SMOC1: variants seen among roughly 807,000 people sequenced by gnomAD.
The protein encoded by SMOC1 is SPARC related modular calcium binding 1, also known as SPARC-related modular calcium-binding protein 1.
In SMOC1, 22 loss-of-function variants were observed where a neutral mutation model predicts 56.3. The observed-to-expected ratio is 0.39, with a 90% CI of 0.28 to 0.56. The LOEUF (loss-of-function observed/expected upper bound fraction) is 0.56, where lower values mean the gene tolerates loss of function less well. SMOC1 is among the 20% of genes least tolerant of loss of function. The probability of loss-of-function intolerance (pLI) is 0.61; values close to 1 mark genes in which losing one functional copy is unlikely to be tolerated. For missense variants in SMOC1, 509 were observed against 565.4 expected (o/e 0.90, Z 1.01); for synonymous variants, 193 against 215.0 (o/e 0.90, Z 0.89).
chr14:69,917,639 C>T (rs1379497018), intron 1 of SMOC1, among the ~76,000 whole-genome samples: 1 of 152,220 alleles, frequency 6.6e-6, no homozygotes, highest in Non-Finnish European at 1.5e-5. Flanking sequence ...GATGGTAACA[C>T]ATCGGTTGTT....
chr14:69,948,435 C>G (rs2139430672), intron 1 of SMOC1, among the ~76,000 whole-genome samples: 1 of 152,252 alleles, frequency 6.6e-6, no homozygotes, highest in African/African-American at 2.4e-5. Context: ...TGGGTGGGGC[C>G]TCTGAAGTTC....
chr14:69,949,412 C>A (rs569780742), intron 1 of SMOC1, among the ~76,000 whole-genome samples: 1 of 152,180 alleles, frequency 6.6e-6, no homozygotes, highest in East Asian at 1.9e-4. Flanking sequence ...GCTAGATGCT[C>A]GGGGGAGGTG....
intron 1 of SMOC1, among the ~76,000 whole-genome samples, chr14:69,905,069 G>A (rs998776904): frequency 8.5e-5 from 13 of 152,296 alleles, no homozygotes; most frequent in Middle Eastern, 3.4e-3. Flanking sequence ...CTCATATCGT[G>A]ATGGTGGTCA....
In SMOC1 at chr14:70,030,627, C is replaced by G; in HGVS notation, c.*369C>G. ...AAATATATATGTAAATTGTATAGTTCTTTTGTACAGGCATTGGCATTGCTG... is the reference window on the plus strand; with the variant it reads ...AAATATATATGTAAATTGTATAGTTGTTTTGTACAGGCATTGGCATTGCTG... On this transcript the variant is annotated 3_prime_UTR_variant, in exon 12 of 12. Coordinates refer to ENST00000361956, the MANE Select transcript of SMOC1 (RefSeq NM_001034852.3). 1 of 232,720 alleles carries G rather than the reference C, an allele frequency of 4.3e-6. No individual in the cohort carries two copies. Among genetic ancestry groups the G allele is most frequent in the South Asian group, 1.2e-4 (1 of 8,304 alleles). 14.4% of individuals were successfully genotyped at this position (232,720 alleles called of 1,614,324 possible).
intron 10 of SMOC1, among the ~76,000 whole-genome samples, chr14:70,020,333 G>A (rs1463582841): frequency 6.6e-6 from 1 of 152,166 alleles, no homozygotes; most frequent in Non-Finnish European, 1.5e-5. Context: ...TGCTATTAAT[G>A]TACTTGGAGT....
At chr14:69,947,565 T>C (rs998557066) in intron 1 of SMOC1, among the ~76,000 whole-genome samples, 3 of 152,174 alleles carry the variant, frequency 2.0e-5, no homozygotes, top group African/African-American at 7.2e-5. Context: ...TTTTTTCTTT[T>C]TCTTTTTTCT....
chr14:69,999,386 C>A (rs1884886583), intron 7 of SMOC1, among the ~76,000 whole-genome samples: 1 of 152,170 alleles, frequency 6.6e-6, no homozygotes, highest in Non-Finnish European at 1.5e-5. Context: ...TGACTTGAGG[C>A]CTGGAAAAAT....
intron 7 of SMOC1, among the ~76,000 whole-genome samples, chr14:69,998,138 C>T (rs1884838430): frequency 6.6e-6 from 1 of 152,110 alleles, no homozygotes; most frequent in Admixed American, 6.6e-5. Flanking sequence ...GAAGTTTTGG[C>T]CCTTGTTTTT....
chr14:69,939,378 A>G (rs1265899347), intron 1 of SMOC1, among the ~76,000 whole-genome samples: 1 of 152,214 alleles, frequency 6.6e-6, no homozygotes, highest in East Asian at 1.9e-4. Context: ...CAGCATGGGA[A>G]AAAACCACCC....
chr14:69,889,397 T>C (rs1424804344), intron 1 of SMOC1, among the ~76,000 whole-genome samples: 1 of 152,184 alleles, frequency 6.6e-6, no homozygotes, highest in Non-Finnish European at 1.5e-5. Context: ...ATCATTTGCT[T>C]ACCCCTATGA....
chr14:70,007,136 C>A (rs1446437606), intron 7 of SMOC1, among the ~76,000 whole-genome samples: 2 of 152,210 alleles, frequency 1.3e-5, no homozygotes, highest in African/African-American at 4.8e-5. Context: ...AGAGGTGAAG[C>A]ACCCAGCCAG....
At chr14:69,947,519 T>C (rs566509003) in intron 1 of SMOC1, among the ~76,000 whole-genome samples, 1 of 152,328 alleles carries the variant, frequency 6.6e-6, no homozygotes, top group African/African-American at 2.4e-5. Context: ...TACTGTCTAA[T>C]TTCAAAATGC....
intron 7 of SMOC1, among the ~76,000 whole-genome samples, chr14:69,998,366 A>G (rs1195793779): frequency 6.6e-6 from 1 of 152,008 alleles, no homozygotes; most frequent in East Asian, 1.9e-4. Context: ...GCATCTTCCC[A>G]TAGATGAGTG....
intron 2 of SMOC1, 116 bp from the exon 3 acceptor site, chr14:69,953,304 C>A (rs1319106644): frequency 1.1e-6 from 1 of 900,672 alleles, no homozygotes; most frequent in Non-Finnish European, 1.9e-6. Context: ...GTTGGACAAG[C>A]CAGTTAGTTG....
Position 69,994,489 on chromosome 14 carries a change from C to T in SMOC1, c.664+9C>T, listed in dbSNP as rs367618550. The T allele has an allele frequency of 5.6e-6, 9 of 1,605,038 alleles. No individual in the cohort carries two copies. The highest frequency in any genetic ancestry group is 8.5e-7 in the Non-Finnish European group (1 of 1,172,244). ...CAACATAAGAAATTCAGGTAAATAA[C>T]CTTCCTTGGATTATATATGTACCCA... On this transcript the variant is annotated intron_variant, in intron 7 of 11. Transcript: ENST00000361956.
chr14:70,012,619 G>T (rs1594855275), intron 9 of SMOC1, among the ~76,000 whole-genome samples: 1 of 152,216 alleles, frequency 6.6e-6, no homozygotes, highest in East Asian at 1.9e-4. Flanking sequence ...ATGTGGAGTT[G>T]CTTTGGAGAG....
intron 1 of SMOC1, among the ~76,000 whole-genome samples, chr14:69,940,583 C>A (rs200006820): frequency 3.3e-5 from 5 of 152,150 alleles, no homozygotes; most frequent in African/African-American, 1.2e-4. Flanking sequence ...AAGGGCAGGA[C>A]GCTTAGAACC....
At chr14:69,984,199 A>G (rs371682823) in intron 5 of SMOC1, among the ~76,000 whole-genome samples, 315 of 152,358 alleles carry the variant, frequency 2.1e-3, no homozygotes, top group African/African-American at 7.2e-3. Context: ...GCAATTGGAC[A>G]TCCACAGACC....
intron 1 of SMOC1, among the ~76,000 whole-genome samples, chr14:69,935,444 C>T (rs193050164): frequency 7.2e-5 from 11 of 152,336 alleles, no homozygotes; most frequent in Admixed American, 2.6e-4. Flanking sequence ...GATCAGAAGG[C>T]AGTCAGCCCT....
Sources: allele counts gnomAD v4.1 joint callset (sites outside exome capture counted in the v4.1 genomes callset), GRCh38; gene constraint gnomAD v4.1.1; transcripts MANE v1.5; gene names NCBI Gene and HGNC (gene_info 2026-07-23, HGNC 2026-07-21).